Variants in DOCK1 observed in about 807,000 individuals in gnomAD.
DOCK1 encodes dedicator of cytokinesis protein 1.
Under a neutral mutation model 262.7 loss-of-function variants are expected in DOCK1, and 138 were observed. The observed-to-expected ratio is 0.53, with a 90% CI of 0.46 to 0.61. DOCK1 has a LOEUF of 0.61. DOCK1 is among the 20% of genes least tolerant of loss of function. DOCK1 has a pLI of 0.00. For synonymous variants in DOCK1, 866 were observed against 867.4 expected (o/e 1.00, Z 0.03); for missense variants, 1,908 against 2,370.7 (o/e 0.80, Z 4.05).
At chr10:127,438,606 T>G (rs2069855936) in intron 48 of DOCK1, among the ~76,000 whole-genome samples, 1 of 152,200 alleles carries the variant, frequency 6.6e-6, no homozygotes. Context: ...CATAGAGCCT[T>G]GGTCAGGATC....
chr10:127,170,522 C>T (rs976715623), intron 27 of DOCK1, among the ~76,000 whole-genome samples: 2 of 152,166 alleles, frequency 1.3e-5, no homozygotes, highest in Non-Finnish European at 2.9e-5. Context: ...TGTCACCAGC[C>T]AATGGACACT....
intron 27 of DOCK1, among the ~76,000 whole-genome samples, chr10:127,164,992 T>A (rs2053951143): frequency 6.6e-6 from 1 of 152,226 alleles, no homozygotes; most frequent in Non-Finnish European, 1.5e-5. Flanking sequence ...AAGCTTAAGC[T>A]ATAATTTATT....
At chr10:126,997,663 C>T (rs1376172276) in intron 7 of DOCK1, among the ~76,000 whole-genome samples, 1 of 152,164 alleles carries the variant, frequency 6.6e-6, no homozygotes, top group Admixed American at 6.5e-5. Flanking sequence ...ACAGTAGATA[C>T]TCAGAAATTG....
chr10:127,183,228 C>T (rs1264561773), intron 27 of DOCK1, among the ~76,000 whole-genome samples: 1 of 151,966 alleles, frequency 6.6e-6, no homozygotes, highest in Non-Finnish European at 1.5e-5. Context: ...TTTGAGGATA[C>T]CCTATTGGGA....
At chr10:127,106,948 A>G (rs746657517) in intron 24 of DOCK1, among the ~76,000 whole-genome samples, 11 of 152,048 alleles carry the variant, frequency 7.2e-5, no homozygotes, top group Non-Finnish European at 1.6e-4. Flanking sequence ...CAAATGGGAT[A>G]CACAGCCTTT....
chr10:127,278,027 T>C (rs534967840), intron 29 of DOCK1, among the ~76,000 whole-genome samples: 1 of 152,256 alleles, frequency 6.6e-6, no homozygotes, highest in East Asian at 1.9e-4. Flanking sequence ...CACAGCTGTG[T>C]CCACTCACTA....
Position 127,320,665 on chromosome 10 carries a change from T to C in DOCK1, c.3045-18341T>C, listed in dbSNP as rs907101159. 2.6e-5 allele frequency among the ~76,000 whole-genome samples: 4 copies of C among 152,108 alleles called. 1 individual carries two copies. The highest frequency in any genetic ancestry group is 1.3e-4 in the Admixed American group (2 of 15,284). On this transcript the variant is annotated intron_variant, in intron 29 of 51. Coordinates refer to ENST00000623213, the MANE Select transcript of DOCK1 (RefSeq NM_001290223.2). Reference sequence around the variant, plus strand: ...GAAGAGACAGAGACAAGAATAACAATGGTAGTAAGGTGGCAGATCCTCAGT... The same window carrying C: ...GAAGAGACAGAGACAAGAATAACAACGGTAGTAAGGTGGCAGATCCTCAGT...
At chr10:127,033,705 T>C (rs760966901) in intron 18 of DOCK1, among the ~76,000 whole-genome samples, 5 of 152,186 alleles carry the variant, frequency 3.3e-5, no homozygotes, top group Admixed American at 6.5e-5. Context: ...TGGACTTTAA[T>C]AGGATAAACA....
rs533427687 is a variant in DOCK1, at chr10:127,433,548, A to G, written c.5060+120A>G. ...TGAGGATTTTGTGTTCATCAAAATT[A>G]TCTTTGAAACTGAGACCCTCCGAGA... On this transcript the variant is annotated intron_variant, in intron 48 of 51. Coordinates refer to ENST00000623213, the MANE Select transcript of DOCK1 (RefSeq NM_001290223.2). The G allele has an allele frequency of 1.0e-4, 137 of 1,332,252 alleles. 2 individuals are homozygous for G. In the South Asian group the frequency reaches 2.1e-3, roughly 20 times the overall value. 82.5% of individuals were successfully genotyped at this position (1,332,252 alleles called of 1,614,324 possible).
intron 23 of DOCK1, among the ~76,000 whole-genome samples, chr10:127,065,032 C>T (rs375634477): frequency 4.6e-5 from 7 of 151,946 alleles, no homozygotes; most frequent in South Asian, 2.1e-4. Flanking sequence ...TTTTTTGAGA[C>T]GGAGACTCGC....
intron 16 of DOCK1, among the ~76,000 whole-genome samples, chr10:127,030,937 T>C (rs763219909): frequency 2.0e-5 from 3 of 152,150 alleles, no homozygotes; most frequent in African/African-American, 4.8e-5. Flanking sequence ...GGGTGACTAA[T>C]GGGCTATTTT....
chr10:126,941,688 G>A (rs1003722420), intron 1 of DOCK1, among the ~76,000 whole-genome samples: 1 of 152,088 alleles, frequency 6.6e-6, no homozygotes, highest in Non-Finnish European at 1.5e-5. Context: ...CCGGGAGGCG[G>A]AGCTTGCAGT....
intron 31 of DOCK1, among the ~76,000 whole-genome samples, chr10:127,352,217 G>A (rs1451919933): frequency 9.6e-6 from 1 of 104,708 alleles, no homozygotes; most frequent in Non-Finnish European, 2.0e-5. Context: ...GAGGTGGGGA[G>A]CATCGGGGAG....
At chr10:127,367,058 A>G (rs902998265) in intron 33 of DOCK1, among the ~76,000 whole-genome samples, 3 of 152,186 alleles carry the variant, frequency 2.0e-5, no homozygotes, top group Admixed American at 6.5e-5. Flanking sequence ...TACTCTTACA[A>G]TTGGAGTAGA....
At position 126,991,596 on chromosome 10, in the gene DOCK1, C is replaced by G. The variant is rs984922586; in HGVS notation, c.473+993C>G. Among the ~76,000 whole-genome samples, 12 of 151,930 alleles carry G rather than the reference C, an allele frequency of 7.9e-5. No homozygotes were observed. The East Asian group carries it at 1.6e-3, about 20-fold the overall frequency. The stretch of plus-strand genomic sequence containing the variant: ...CCAGACTGTAGTGCAATGGCATGAT[C>G]TTGGCCCATTGCAATCCCCGTCTCC... On this transcript the variant is annotated intron_variant, in intron 6 of 51. Coordinates refer to ENST00000623213, the MANE Select transcript of DOCK1 (RefSeq NM_001290223.2).
At chr10:126,965,168 G>A (rs2134600331) in intron 1 of DOCK1, among the ~76,000 whole-genome samples, 1 of 152,326 alleles carries the variant, frequency 6.6e-6, no homozygotes, top group East Asian at 1.9e-4. Context: ...ATTCATTTAG[G>A]TCTGCGTGTA....
At chr10:126,942,611 G>C (rs952598007) in intron 1 of DOCK1, among the ~76,000 whole-genome samples, 1 of 152,116 alleles carries the variant, frequency 6.6e-6, no homozygotes, top group African/African-American at 2.4e-5. Flanking sequence ...CGAGGGAGCC[G>C]AGCCAGCCCC....
intron 49 of DOCK1, among the ~76,000 whole-genome samples, chr10:127,440,618 C>G (rs867528364): frequency 1.4e-4 from 21 of 152,168 alleles, no homozygotes; most frequent in African/African-American, 5.1e-4. Flanking sequence ...ACTTAAAACC[C>G]AGAAGGTACG....
intron 29 of DOCK1, among the ~76,000 whole-genome samples, chr10:127,282,343 C>T (rs1205438125): frequency 1.3e-5 from 2 of 152,068 alleles, no homozygotes; most frequent in African/African-American, 2.4e-5. Context: ...GGGGGAGAAA[C>T]GTGTGCTGGA....
Sources: gnomAD v4.1 joint callset for allele counts (sites outside exome capture counted in the v4.1 genomes callset) on GRCh38, gnomAD v4.1.1 for gene constraint, MANE v1.5 for transcripts, NCBI Gene and HGNC (gene_info 2026-07-23, HGNC 2026-07-21) for gene names.